The following EFNA5 variants were observed in gnomAD, a reference collection of about 807,000 sequenced individuals.
EFNA5 encodes the protein ephrin A5.
Under a neutral mutation model 22.9 loss-of-function variants are expected in EFNA5, and 5 were observed. The ratio of observed to expected loss-of-function variants is 0.22; its 90% CI spans 0.11 to 0.46. The LOEUF is 0.46. Ranked by LOEUF, EFNA5 falls within the 20% of genes least tolerant of loss-of-function variation. EFNA5 has a pLI of 0.99. For synonymous variants in EFNA5, 113 were observed against 112.2 expected, an observed-to-expected ratio of 1.01 and a Z score of -0.04; for missense variants, 237 against 293.3, an observed-to-expected ratio of 0.81 and a Z score of 1.40.
intron 1 of EFNA5, among the ~76,000 whole-genome samples, chr5:107,507,728 T>C (rs2112431158): frequency 6.6e-6 from 1 of 152,244 alleles, no homozygotes; most frequent in African/African-American, 2.4e-5. Flanking sequence ...TTCCAGCTAC[T>C]CAGGAAGCTG....
intron 1 of EFNA5, among the ~76,000 whole-genome samples, chr5:107,583,109 C>A (rs1749104004): frequency 6.6e-6 from 1 of 151,986 alleles, no homozygotes; most frequent in African/African-American, 2.4e-5. Context: ...AATTTTAATC[C>A]TATAAAATTT....
chr5:107,402,059 A>G (rs1748100193), intron 2 of EFNA5, among the ~76,000 whole-genome samples: 1 of 152,220 alleles, frequency 6.6e-6, no homozygotes, highest in Non-Finnish European at 1.5e-5. Flanking sequence ...CTTAAACCAA[A>G]GTGGCCTAAG....
At chr5:107,506,307 C>T (rs1747249021) in intron 1 of EFNA5, 1 of 152,198 alleles carries the variant, frequency 6.6e-6, no homozygotes, top group Non-Finnish European at 1.5e-5. Context: ...GAGAATTCAA[C>T]ACATAGTAAA....
chr5:107,652,188 A>T (rs1364098976), intron 1 of EFNA5, among the ~76,000 whole-genome samples: 2 of 152,184 alleles, frequency 1.3e-5, no homozygotes, highest in African/African-American at 4.8e-5. Flanking sequence ...TACTTTCACT[A>T]GATCCCCTCC....
chr5:107,487,355 C>T (rs540160753), intron 1 of EFNA5, among the ~76,000 whole-genome samples: 22 of 152,308 alleles, frequency 1.4e-4, no homozygotes, highest in Non-Finnish European at 2.9e-5. Context: ...TCCTTAAAAA[C>T]TTTGTTTAAT....
At chr5:107,579,991 C>T (rs1189566909) in intron 1 of EFNA5, among the ~76,000 whole-genome samples, 1 of 152,168 alleles carries the variant, frequency 6.6e-6, no homozygotes, top group Non-Finnish European at 1.5e-5. Context: ...CATAGCATTT[C>T]CTGGACTTTC....
At chr5:107,669,469 G>A (rs1316409347) in intron 1 of EFNA5, among the ~76,000 whole-genome samples, 9 of 152,090 alleles carry the variant, frequency 5.9e-5, no homozygotes, top group African/African-American at 2.2e-4. Context: ...TGCACAGGCC[G>A]GGAAGCAATA....
intron 1 of EFNA5, among the ~76,000 whole-genome samples, chr5:107,644,437 A>G (rs1561458348): frequency 1.3e-5 from 2 of 152,242 alleles, no homozygotes; most frequent in African/African-American, 4.8e-5. Context: ...TGAACAAAAC[A>G]TGGTCTATCG....
At chr5:107,658,205 T>C (rs538027481) in intron 1 of EFNA5, among the ~76,000 whole-genome samples, 27 of 152,210 alleles carry the variant, frequency 1.8e-4, no homozygotes, top group Non-Finnish European at 3.5e-4. Flanking sequence ...ACATTTGGGG[T>C]TAATTTAACC....
chr5:107,477,309 G>A (rs1486183263), intron 1 of EFNA5, among the ~76,000 whole-genome samples: 1 of 152,148 alleles, frequency 6.6e-6, no homozygotes, highest in Non-Finnish European at 1.5e-5. Flanking sequence ...TAAAACAGAT[G>A]AAGTAATTTA....
intron 1 of EFNA5, among the ~76,000 whole-genome samples, chr5:107,598,936 C>G (rs1030450721): frequency 6.6e-6 from 1 of 152,158 alleles, no homozygotes; most frequent in Non-Finnish European, 1.5e-5. Context: ...TAAAGATGCT[C>G]AAACAGACCA....
intron 1 of EFNA5, among the ~76,000 whole-genome samples, chr5:107,501,852 G>A (rs1188187573): frequency 6.6e-6 from 1 of 152,050 alleles, no homozygotes; most frequent in Non-Finnish European, 1.5e-5. Flanking sequence ...ACGGCCATAA[G>A]GTCAAAATAA....
chr5:107,493,715 T>A (rs973126937), intron 1 of EFNA5, among the ~76,000 whole-genome samples: 1 of 152,246 alleles, frequency 6.6e-6, no homozygotes, highest in Non-Finnish European at 1.5e-5. Context: ...ACAAGGTTTA[T>A]AATGAGCTGT....
chr5:107,475,965 G>A (rs961136176), intron 1 of EFNA5, among the ~76,000 whole-genome samples: 4 of 143,564 alleles, frequency 2.8e-5, no homozygotes, highest in Non-Finnish European at 6.0e-5. Context: ...TTCACAGCAC[G>A]GCACCTGTTT....
At chr5:107,530,007 T>A (rs1747775862) in intron 1 of EFNA5, among the ~76,000 whole-genome samples, 1 of 152,230 alleles carries the variant, frequency 6.6e-6, no homozygotes, top group Non-Finnish European at 1.5e-5. Flanking sequence ...TATCTTTTGG[T>A]CTTAAACAAG....
intron 1 of EFNA5, among the ~76,000 whole-genome samples, chr5:107,536,343 G>T (rs1049264731): frequency 6.6e-6 from 1 of 152,178 alleles, no homozygotes; most frequent in Non-Finnish European, 1.5e-5. Context: ...CCAGGCATCT[G>T]ATATTTTTTC....
chr5:107,443,337 G>C (rs893602032), intron 1 of EFNA5, among the ~76,000 whole-genome samples: 3 of 152,182 alleles, frequency 2.0e-5, no homozygotes, highest in Non-Finnish European at 4.4e-5. Flanking sequence ...GAAATTTCTT[G>C]GGTGTTGCTA....
intron 1 of EFNA5, among the ~76,000 whole-genome samples, chr5:107,537,141 A>C (rs1405315793): frequency 6.6e-6 from 1 of 152,108 alleles, no homozygotes; most frequent in Non-Finnish European, 1.5e-5. Context: ...ATTTCTCAAA[A>C]CTAATCAACA....
In EFNA5 at chr5:107,574,924, C is replaced by T. The variant is rs1748895478; in HGVS notation, c.125+95565G>A. On this transcript the variant is annotated intron_variant, in intron 1 of 4. Coordinates refer to ENST00000333274, the MANE Select transcript of EFNA5 (RefSeq NM_001962.3). ...GTTGCACTAAATTCACTACATACCA[C>T]TGTTCTCAATTTGATTTATGCCCAT... 7.9e-5 allele frequency among the ~76,000 whole-genome samples: 12 copies of T among 152,178 alleles called. No individual in the cohort carries two copies. The South Asian group carries it at 2.5e-3, about 32-fold the overall frequency.
Sources: allele counts gnomAD v4.1 joint callset (sites outside exome capture counted in the v4.1 genomes callset), GRCh38; gene constraint gnomAD v4.1.1; transcripts MANE v1.5; gene names NCBI Gene and HGNC (gene_info 2026-07-23, HGNC 2026-07-21).